APBB2: variants seen among roughly 807,000 people sequenced by gnomAD.
APBB2 encodes the protein amyloid beta precursor protein binding family B member 2.
Under a neutral mutation model 82.5 loss-of-function variants are expected in APBB2, and 38 were observed. The observed-to-expected ratio is 0.46, with a 90% CI of 0.36 to 0.60. The LOEUF (loss-of-function observed/expected upper bound fraction) is 0.60, where lower values mean the gene tolerates loss of function less well. APBB2 is among the 20% of genes least tolerant of loss of function. The pLI is 0.00. For synonymous variants in APBB2, 341 were observed against 368.2 expected, an observed-to-expected ratio of 0.93 and a Z score of 0.85; for missense variants, 772 against 972.3, an observed-to-expected ratio of 0.79 and a Z score of 2.74.
chr4:41,197,560 A>G, intron 1 of APBB2, among the ~76,000 whole-genome samples: 3,969 of 152,246 alleles, frequency 0.026, 99 homozygotes, highest in Non-Finnish European at 0.036. Context: ...CAGAATTTCA[A>G]TCCTGGCTCC....
chr4:40,835,522 G>A (rs1259825607), intron 12 of APBB2, among the ~76,000 whole-genome samples: 1 of 152,202 alleles, frequency 6.6e-6, no homozygotes, highest in Non-Finnish European at 1.5e-5. Flanking sequence ...GAGGTCAGAA[G>A]GCCCCCCAGT....
chr4:40,991,317 G>A (rs1802039366), intron 6 of APBB2, among the ~76,000 whole-genome samples: 1 of 150,878 alleles, frequency 6.6e-6, no homozygotes, highest in Admixed American at 6.6e-5. Flanking sequence ...GTGCCTTGCT[G>A]GGTTTTGATT....
At chr4:41,078,359 T>A (rs201769316) in intron 3 of APBB2, among the ~76,000 whole-genome samples, 1 of 152,188 alleles carries the variant, frequency 6.6e-6, no homozygotes, top group East Asian at 1.9e-4. Flanking sequence ...GTAAGCTATA[T>A]ACATGTATAA....
At chr4:41,183,918 T>A (rs1372715656) in intron 1 of APBB2, among the ~76,000 whole-genome samples, 2 of 152,056 alleles carry the variant, frequency 1.3e-5, no homozygotes, top group Non-Finnish European at 2.9e-5. Context: ...TTCATTGTAA[T>A]TTATAATGAA....
chr4:41,159,954 GGAGAAGGAGAAGA>G (rs1560913116), intron 1 of APBB2, among the ~76,000 whole-genome samples: 4 of 89,930 alleles, frequency 4.4e-5, no homozygotes, highest in East Asian at 2.9e-4. Flanking sequence ...AGAAGGAGAA[GGAGAAGGAGAAGA>G]AGAAGAAGAA....
intron 12 of APBB2, among the ~76,000 whole-genome samples, chr4:40,871,947 G>T (rs975885938): frequency 2.6e-5 from 4 of 152,302 alleles, no homozygotes; most frequent in Admixed American, 2.6e-4. Context: ...CTAGTACAAT[G>T]AATATATGCA....
chr4:40,876,263 G>A (rs1766883232), intron 12 of APBB2, among the ~76,000 whole-genome samples: 1 of 152,170 alleles, frequency 6.6e-6, no homozygotes. Context: ...AATTTGATAA[G>A]TTTTGACAAT....
intron 1 of APBB2, among the ~76,000 whole-genome samples, chr4:41,186,659 C>T (rs1296004642): frequency 6.6e-6 from 1 of 152,288 alleles, no homozygotes; most frequent in Non-Finnish European, 1.5e-5. Flanking sequence ...AAATAAAGCA[C>T]CATCATTACC....
At chr4:41,097,934 G>T (rs900465507) in intron 3 of APBB2, among the ~76,000 whole-genome samples, 11 of 151,916 alleles carry the variant, frequency 7.2e-5, no homozygotes, top group African/African-American at 2.7e-4. Flanking sequence ...AGACATTTAA[G>T]TATCCCTTAC....
At chr4:41,032,778 C>CTTTT (rs11421268) in intron 5 of APBB2, among the ~76,000 whole-genome samples, 1,229 of 84,250 alleles carry the variant, frequency 0.015, 78 homozygotes, top group East Asian at 0.035. Context: ...ATTTTTCTTT[C>CTTTT]TTTTTTTTTT....
At position 40,812,748 on chromosome 4, in the gene APBB2, G is replaced by A. The variant is rs147796690; in HGVS notation, c.*3344C>T. 1 of 152,336 alleles carries A rather than the reference G, an allele frequency of 6.6e-6. No individual in the cohort carries two copies. Among genetic ancestry groups the A allele is most frequent in the East Asian group, 1.9e-4 (1 of 5,192 alleles). The allele number at this position is 152,336 out of a possible 1,614,324, so 9.4% of individuals were successfully genotyped here. A position where few individuals can be genotyped will look rare whatever the true frequency, so the allele number is the denominator to read the frequency against. On this transcript the variant is annotated 3_prime_UTR_variant, in exon 18 of 18. Coordinates refer to ENST00000508593, the MANE Select transcript of APBB2 (RefSeq NM_004307.2). ...CAAGTGTCCATCTTGAAATCATAAA[G>A]TGGATTTAAAAAGAAGTAGCAGTGC...
intron 6 of APBB2, among the ~76,000 whole-genome samples, chr4:40,976,586 T>G (rs1395931645): frequency 6.6e-6 from 1 of 152,174 alleles, no homozygotes; most frequent in African/African-American, 2.4e-5. Flanking sequence ...AAACAGCAGT[T>G]AAAAACACTT....
At chr4:41,110,557 C>T (rs1236377754) in intron 2 of APBB2, among the ~76,000 whole-genome samples, 5 of 149,996 alleles carry the variant, frequency 3.3e-5, no homozygotes, top group African/African-American at 4.9e-5. Context: ...GAGCCGAGAT[C>T]GCACCACTGC....
At chr4:40,925,938 C>G (rs2154370705) in intron 10 of APBB2, among the ~76,000 whole-genome samples, 1 of 152,278 alleles carries the variant, frequency 6.6e-6, no homozygotes, top group African/African-American at 2.4e-5. Context: ...AAACCTACTA[C>G]CCGATGGTTT....
In APBB2 at chr4:40,810,097, T is replaced by A. The variant is rs1291361173; in HGVS notation, c.*5995A>T. ...AAATGTTACATAAATTCCTAAATGC[T>A]CAATTCAGGTGGCATGATTTTTAGA... On this transcript the variant is annotated 3_prime_UTR_variant, in exon 18 of 18. Coordinates refer to ENST00000508593, the MANE Select transcript of APBB2 (RefSeq NM_004307.2). The A allele has an allele frequency of 6.6e-6, 1 of 152,244 alleles. No homozygotes were observed. The highest frequency in any genetic ancestry group is 1.5e-5 in the Non-Finnish European group (1 of 68,040). 9.4% of individuals were successfully genotyped at this position (152,244 alleles called of 1,614,324 possible). A position where few individuals can be genotyped will look rare whatever the true frequency, so the allele number is the denominator to read the frequency against.
intron 10 of APBB2, among the ~76,000 whole-genome samples, chr4:40,904,792 C>T (rs1053985036): frequency 6.7e-6 from 1 of 150,352 alleles, no homozygotes; most frequent in Non-Finnish European, 1.5e-5. Context: ...TGACCCAGTT[C>T]TCCATCCGGC....
chr4:41,155,615 T>G (rs1428831324), intron 1 of APBB2, among the ~76,000 whole-genome samples: 1 of 152,202 alleles, frequency 6.6e-6, no homozygotes, highest in Non-Finnish European at 1.5e-5. Context: ...CCAGACAGAC[T>G]ACTCAGACAG....
chr4:41,139,769 G>A (rs537277471), intron 2 of APBB2, among the ~76,000 whole-genome samples: 1 of 152,154 alleles, frequency 6.6e-6, no homozygotes, highest in African/African-American at 2.4e-5. Flanking sequence ...AAGAAGAAAT[G>A]AACAGGTAGA....
In APBB2 at chr4:40,827,239, G is replaced by C. The variant is rs931854884; in HGVS notation, c.1645-20C>G. On this transcript the variant is annotated intron_variant, in intron 13 of 17. Transcript: ENST00000508593. Reference sequence around the variant, plus strand: ...CATAATCTAAGGGGGAAAAAGTGCAGCTTTGGAGCGTGGGTTCAAGCCCCC... The same window carrying C: ...CATAATCTAAGGGGGAAAAAGTGCACCTTTGGAGCGTGGGTTCAAGCCCCC... The C allele has an allele frequency of 1.2e-6, 2 of 1,611,664 alleles. No individual in the cohort carries two copies. The highest frequency in any genetic ancestry group is 1.7e-6 in the Non-Finnish European group (2 of 1,177,788).
Sources: allele counts gnomAD v4.1 joint callset (sites outside exome capture counted in the v4.1 genomes callset), GRCh38; gene constraint gnomAD v4.1.1; transcripts MANE v1.5; gene names NCBI Gene and HGNC (gene_info 2026-07-23, HGNC 2026-07-21).